ATP11A: variants seen among roughly 807,000 people sequenced by gnomAD.
ATP11A encodes ATPase phospholipid transporting 11A.
In ATP11A, 81 loss-of-function variants were observed where a neutral mutation model predicts 154.4. The observed-to-expected ratio is 0.52, with a 90% CI of 0.44 to 0.63. The LOEUF is 0.63. Ranked by LOEUF, ATP11A falls within the 30% of genes least tolerant of loss-of-function variation. The pLI is 0.00. For synonymous variants in ATP11A, 623 were observed against 585.9 expected (o/e 1.06, Z -0.91); for missense variants, 1,316 against 1,474.3 (o/e 0.89, Z 1.76).
At chr13:112,701,027 G>A (rs1418686251) in intron 1 of ATP11A, among the ~76,000 whole-genome samples, 30 of 152,200 alleles carry the variant, frequency 2.0e-4, no homozygotes, top group Admixed American at 1.9e-3. Flanking sequence ...GGGATCAGCC[G>A]ACCCCAGGTC....
chr13:112,709,946 T>C (rs1227942863), intron 1 of ATP11A, among the ~76,000 whole-genome samples: 1 of 152,258 alleles, frequency 6.6e-6, no homozygotes, highest in Non-Finnish European at 1.5e-5. Context: ...TCCCTGCTGC[T>C]GACCAGCCCC....
chr13:112,699,608 G>A (rs1886274353), intron 1 of ATP11A, among the ~76,000 whole-genome samples: 1 of 152,196 alleles, frequency 6.6e-6, no homozygotes, highest in African/African-American at 2.4e-5. Context: ...AGGTTGCTGC[G>A]GGCAAGAAGG....
chr13:112,805,072 T>C lies in ATP11A; in HGVS notation c.252+26T>C, dbSNP rs573070451. 4.6e-6 allele frequency: 7 copies of C among 1,517,396 alleles called. No homozygotes were observed. In the Admixed American group the frequency reaches 5.5e-5, roughly 12 times the overall value. 94.0% of individuals were successfully genotyped at this position (1,517,396 alleles called of 1,614,324 possible). A position where few individuals can be genotyped will look rare whatever the true frequency, so the allele number is the denominator to read the frequency against. On this transcript the variant is annotated intron_variant, in intron 3 of 29. Coordinates refer to ENST00000375645, the MANE Select transcript of ATP11A (RefSeq NM_015205.3). Reference sequence around the variant, plus strand: ...GTAAGGCCGGTCATTGTTTTCCATCTCATCACATATAAATCTAAATAAGTG... The same window carrying C: ...GTAAGGCCGGTCATTGTTTTCCATCCCATCACATATAAATCTAAATAAGTG...
At chr13:112,844,033 C>T (rs996503833) in intron 17 of ATP11A, among the ~76,000 whole-genome samples, 6 of 152,192 alleles carry the variant, frequency 3.9e-5, no homozygotes, top group African/African-American at 7.2e-5. Flanking sequence ...TCCTGCGCTT[C>T]GACACACAAT....
chr13:112,778,963 G>A (rs951003305), intron 1 of ATP11A, among the ~76,000 whole-genome samples: 1 of 129,848 alleles, frequency 7.7e-6, no homozygotes, highest in Non-Finnish European at 1.6e-5. Context: ...CCGCTGGAGT[G>A]AGTAGCCGCT....
intron 1 of ATP11A, among the ~76,000 whole-genome samples, chr13:112,751,673 C>CA (rs1215703291): frequency 6.7e-6 from 1 of 148,496 alleles, no homozygotes; most frequent in African/African-American, 2.5e-5. Flanking sequence ...CAAAACAAAA[C>CA]AAAACAAAAA....
intron 17 of ATP11A, among the ~76,000 whole-genome samples, chr13:112,849,798 A>C (rs1454018817): frequency 6.6e-6 from 1 of 152,254 alleles, no homozygotes; most frequent in African/African-American, 2.4e-5. Context: ...CAAACCCGTG[A>C]GCAGAAAGCT....
At chr13:112,837,332 C>T (rs990170782) in intron 16 of ATP11A, among the ~76,000 whole-genome samples, 1 of 152,228 alleles carries the variant, frequency 6.6e-6, no homozygotes, top group African/African-American at 2.4e-5. Context: ...ACCCATCTGT[C>T]CTTTCCACGG....
At chr13:112,735,884 A>G (rs1215037063) in intron 1 of ATP11A, among the ~76,000 whole-genome samples, 1 of 152,216 alleles carries the variant, frequency 6.6e-6, no homozygotes, top group Non-Finnish European at 1.5e-5. Context: ...AGGTGCATCC[A>G]TAAGTCCCAT....
chr13:112,869,527 T>A (rs778831283), intron 25 of ATP11A, among the ~76,000 whole-genome samples: 1 of 152,230 alleles, frequency 6.6e-6, no homozygotes, highest in Non-Finnish European at 1.5e-5. Flanking sequence ...CACACACTGC[T>A]TCACAGGGCA....
At chr13:112,870,567 C>T (rs966793188) in intron 25 of ATP11A, among the ~76,000 whole-genome samples, 9 of 152,162 alleles carry the variant, frequency 5.9e-5, no homozygotes, top group Non-Finnish European at 1.2e-4. Flanking sequence ...TTAGTAGAGA[C>T]GGGGTTTCAC....
intron 6 of ATP11A, among the ~76,000 whole-genome samples, 177 bp downstream of exon 6, chr13:112,816,388 T>C (rs1181753835): frequency 6.6e-6 from 1 of 152,222 alleles, no homozygotes; most frequent in African/African-American, 2.4e-5. Context: ...TCCACTTTCT[T>C]CTTTTTCCTT....
chr13:112,706,719 A>G (rs1241289702), intron 1 of ATP11A, among the ~76,000 whole-genome samples: 1 of 152,268 alleles, frequency 6.6e-6, no homozygotes, highest in East Asian at 1.9e-4. Context: ...TTGTTCTTAT[A>G]TTGAAATAGC....
rs2080712502 is a variant in ATP11A, at chr13:112,875,973, C to CCT, written c.3327+34_3327+35dup. ...AGTGTCCCCAGCCGGGGCGGGGGTGCCTCAGGGCCCTGGCCTTAGGATTGG... is the reference window on the plus strand; with the variant it reads ...AGTGTCCCCAGCCGGGGCGGGGGTGCCTCTCAGGGCCCTGGCCTTAGGATTGG... On this transcript the variant is annotated intron_variant, in intron 28 of 29. Coordinates refer to ENST00000375645, the MANE Select transcript of ATP11A (RefSeq NM_015205.3). This position sits in a 1 kb window ranked among gnomAD's most constrained non-coding sequence, Gnocchi z 4.1. 2 of 1,591,464 alleles carry CCT rather than the reference C, an allele frequency of 1.3e-6. No individual in the cohort carries two copies. Among genetic ancestry groups the CCT allele is most frequent in the Non-Finnish European group, 1.7e-6 (2 of 1,171,400 alleles).
chr13:112,709,937 C>G (rs949361957), intron 1 of ATP11A, among the ~76,000 whole-genome samples: 3 of 152,270 alleles, frequency 2.0e-5, no homozygotes, highest in African/African-American at 7.2e-5. Context: ...CCGCGCTGCT[C>G]CCTGCTGCTG....
At chr13:112,722,028 G>A (rs928817034) in intron 1 of ATP11A, among the ~76,000 whole-genome samples, 2 of 152,184 alleles carry the variant, frequency 1.3e-5, no homozygotes, top group South Asian at 2.1e-4. Flanking sequence ...TCTGAAGGAC[G>A]CTACAGTTTG....
At chr13:112,837,541 C>T (rs1390122842) in intron 16 of ATP11A, among the ~76,000 whole-genome samples, 4 of 152,246 alleles carry the variant, frequency 2.6e-5, no homozygotes, top group African/African-American at 9.6e-5. Context: ...GTTCAGAGCC[C>T]TCCACGCAGC....
chr13:112,733,385 G>A (rs955652729), intron 1 of ATP11A, among the ~76,000 whole-genome samples: 1 of 152,238 alleles, frequency 6.6e-6, no homozygotes, highest in Non-Finnish European at 1.5e-5. Flanking sequence ...TGTAGAGCTT[G>A]TTTGATGCAG....
intron 1 of ATP11A, among the ~76,000 whole-genome samples, chr13:112,708,535 A>C (rs774930218): frequency 2.4e-4 from 36 of 152,272 alleles, no homozygotes; most frequent in Non-Finnish European, 4.0e-4. Flanking sequence ...TTGACAGAAA[A>C]GTAAAACGTA....
Sources: allele counts gnomAD v4.1 joint callset (sites outside exome capture counted in the v4.1 genomes callset), GRCh38; gene constraint gnomAD v4.1.1; non-coding constraint Gnocchi (gnomAD v3.1); transcripts MANE v1.5; gene names NCBI Gene and HGNC (gene_info 2026-07-23, HGNC 2026-07-21).